PHF24: variants seen among roughly 807,000 people sequenced by gnomAD.
PHF24 encodes Galpha inhibitory interacting protein.
PHF24 carries 25 observed loss-of-function variants against 42.6 expected under a neutral mutation model. The ratio of observed to expected loss-of-function variants is 0.59; its 90% CI spans 0.43 to 0.82. The LOEUF (loss-of-function observed/expected upper bound fraction) is 0.82. Ranked by LOEUF, PHF24 falls within the 40% of genes least tolerant of loss-of-function variation. The pLI is 0.00. For synonymous variants in PHF24, 185 were observed against 204.8 expected, an observed-to-expected ratio of 0.90 and a Z score of 0.83; for missense variants, 470 against 538.1, an observed-to-expected ratio of 0.87 and a Z score of 1.25.
At chr9:34,665,712 C>G in the PHF24 span, 1 of 700,540 alleles carries the variant, frequency 1.4e-6, no homozygotes, top group South Asian at 1.5e-5. Context: ...TCAGGGATTC[C>G]CTAGCCCCAG....
the PHF24 span, among the ~76,000 whole-genome samples, chr9:34,696,486 C>CAA: frequency 3.0e-4 from 28 of 92,524 alleles, no homozygotes; most frequent in East Asian, 2.4e-3. Flanking sequence ...GACTCCATCT[C>CAA]AAAAAAAAAA....
chr9:34,944,398 A>G, the PHF24 span, among the ~76,000 whole-genome samples: 1 of 152,332 alleles, frequency 6.6e-6, no homozygotes, highest in African/African-American at 2.4e-5. Flanking sequence ...TATCAGGTCT[A>G]TCACTTCCTG....
chr9:34,892,731 C>G, the PHF24 span: 1 of 462,700 alleles, frequency 2.2e-6, no homozygotes, highest in South Asian at 5.3e-5. Flanking sequence ...CCAGGCTTCT[C>G]AAAGTTTGAA....
chr9:34,973,562 T>C (rs1827081739), intron 3 of PHF24, among the ~76,000 whole-genome samples: 1 of 152,244 alleles, frequency 6.6e-6, no homozygotes, highest in African/African-American at 2.4e-5. Flanking sequence ...GATATCGTCA[T>C]TGTTTATTGA....
At chr9:34,926,215 A>C in the PHF24 span, among the ~76,000 whole-genome samples, 5 of 152,202 alleles carry the variant, frequency 3.3e-5, no homozygotes, top group Admixed American at 1.3e-4. This position sits in a 1 kb window ranked among gnomAD's most constrained non-coding sequence, Gnocchi z 4.3. Flanking sequence ...GATCTGGCTC[A>C]CTGGGGCTGG....
chr9:34,886,293 C>T, the PHF24 span, among the ~76,000 whole-genome samples: 1 of 151,864 alleles, frequency 6.6e-6, no homozygotes, highest in Non-Finnish European at 1.5e-5. Context: ...TCCCACTCTC[C>T]CCTCCTTCAC....
Position 34,959,883 on chromosome 9 carries a change from G to A in PHF24, c.-5+1482G>A, listed in dbSNP as rs546019813. On this transcript the variant is annotated intron_variant, in intron 1 of 7. Transcript: ENST00000242315. ...AGACAGGATCACTTTTAGGAAGCACGATCCACACTGTCCTTGTGACCCTCT... is the reference window on the plus strand; with the variant it reads ...AGACAGGATCACTTTTAGGAAGCACAATCCACACTGTCCTTGTGACCCTCT... Among the ~76,000 whole-genome samples, 48 of 151,512 alleles carry A rather than the reference G, an allele frequency of 3.2e-4. 1 individual carries two copies. Among genetic ancestry groups the A allele is most frequent in the Non-Finnish European group, 6.5e-4 (44 of 67,968 alleles).
At chr9:34,866,520 G>A in the PHF24 span, among the ~76,000 whole-genome samples, 2 of 152,238 alleles carry the variant, frequency 1.3e-5, no homozygotes, top group African/African-American at 4.8e-5. Context: ...CCAGCCACAA[G>A]GTTATGAAAA....
the PHF24 span, chr9:34,918,245 C>A: frequency 6.7e-7 from 1 of 1,487,968 alleles, no homozygotes; most frequent in South Asian, 1.1e-5. Flanking sequence ...CCCTCATCCG[C>A]ACGTGTCTTC....
the PHF24 span, among the ~76,000 whole-genome samples, chr9:34,839,384 G>A: frequency 6.6e-4 from 101 of 152,160 alleles, no homozygotes; most frequent in African/African-American, 2.2e-3. Flanking sequence ...TGCTTGAGTC[G>A]GATTCTGGAA....
the PHF24 span, among the ~76,000 whole-genome samples, chr9:34,810,323 G>T: frequency 6.6e-6 from 1 of 152,178 alleles, no homozygotes; most frequent in Non-Finnish European, 1.5e-5. Context: ...CTATTGGGGG[G>T]AGTCCCTGAG....
chr9:34,848,580 T>C, the PHF24 span, among the ~76,000 whole-genome samples: 1 of 151,894 alleles, frequency 6.6e-6, no homozygotes, highest in African/African-American at 2.4e-5. Flanking sequence ...TTTTGAAGGG[T>C]TTTTTGTGTC....
chr9:34,706,738 C>T, the PHF24 span, among the ~76,000 whole-genome samples: 1 of 152,042 alleles, frequency 6.6e-6, no homozygotes, highest in East Asian at 1.9e-4. Flanking sequence ...TTTTTCTTTT[C>T]ACTATAGAGT....
chr9:34,918,602 A>C, the PHF24 span, among the ~76,000 whole-genome samples: 1 of 152,156 alleles, frequency 6.6e-6, no homozygotes, highest in Non-Finnish European at 1.5e-5. Context: ...AGGAAGAAAA[A>C]TTCTTAGCAG....
chr9:34,691,815 G>A, the PHF24 span, among the ~76,000 whole-genome samples: 1 of 152,290 alleles, frequency 6.6e-6, no homozygotes, highest in South Asian at 2.1e-4. Context: ...TACCTTGGGA[G>A]GAGGCCCAGG....
the PHF24 span, chr9:34,689,733 C>T: frequency 2.6e-6 from 4 of 1,525,646 alleles, no homozygotes; most frequent in African/African-American, 1.4e-5. The surrounding 1 kb of genome is among the most constrained non-coding windows in gnomAD (Gnocchi z 4.1). Flanking sequence ...AAGCCTGGTC[C>T]TTCCTTCTGG....
At chr9:34,770,642 C>CA in the PHF24 span, among the ~76,000 whole-genome samples, 3 of 151,198 alleles carry the variant, frequency 2.0e-5, no homozygotes, top group African/African-American at 4.9e-5. Context: ...ATATTTTATA[C>CA]AAAAAAACAC....
the PHF24 span, among the ~76,000 whole-genome samples, chr9:34,871,716 A>C: frequency 6.6e-6 from 1 of 152,060 alleles, no homozygotes; most frequent in East Asian, 1.9e-4. Context: ...ATTTCTGTGG[A>C]TCTGTTTCTG....
the PHF24 span, among the ~76,000 whole-genome samples, chr9:34,863,865 T>C: frequency 1.3e-5 from 2 of 152,340 alleles, no homozygotes; most frequent in South Asian, 4.1e-4. Context: ...GAATTCAAAA[T>C]AGCTGTTTTG....
Sources: gnomAD v4.1 joint callset for allele counts (sites outside exome capture counted in the v4.1 genomes callset) on GRCh38, gnomAD v4.1.1 for gene constraint, Gnocchi (gnomAD v3.1) non-coding constraint, MANE v1.5 for transcripts, NCBI Gene and HGNC (gene_info 2026-07-23, HGNC 2026-07-21) for gene names.